Variants in ATG4C observed in about 807,000 individuals in gnomAD.
ATG4C encodes autophagy related 4C cysteine peptidase, also known as cysteine protease ATG4C.
A neutral mutation model predicts 57.6 loss-of-function variants in ATG4C; 56 were observed. That is an observed-to-expected ratio of 0.97 (90% confidence interval 0.78 to 1.21). ATG4C has a LOEUF of 1.21. Among genes scored for constraint, ATG4C ranks in the 50% most tolerant of loss-of-function variants. The pLI is 0.00. For missense variants in ATG4C, 595 were observed against 529.8 expected (o/e 1.12, Z -1.21); for synonymous variants, 157 against 174.1 (o/e 0.90, Z 0.78).
chr1:62,820,512 T>C (rs566305874), intron 5 of ATG4C, among the ~76,000 whole-genome samples: 1 of 152,234 alleles, frequency 6.6e-6, no homozygotes, highest in South Asian at 2.1e-4. Context: ...TTAAATAAAA[T>C]TACATTTCCA....
intron 6 of ATG4C, among the ~76,000 whole-genome samples, chr1:62,824,690 C>T (rs1257537329): frequency 8.0e-6 from 1 of 125,374 alleles, no homozygotes; most frequent in African/African-American, 3.1e-5. Flanking sequence ...TTTTTTGAGA[C>T]AGGGTTTTAC....
intron 6 of ATG4C, among the ~76,000 whole-genome samples, chr1:62,823,922 C>T (rs1211212557): frequency 2.6e-5 from 4 of 152,184 alleles, no homozygotes; most frequent in African/African-American, 4.8e-5. Context: ...AATTACTTTT[C>T]CTCTGTGGTC....
intron 10 of ATG4C, among the ~76,000 whole-genome samples, chr1:62,859,919 A>T (rs1666799874): frequency 6.6e-6 from 1 of 152,096 alleles, no homozygotes; most frequent in African/African-American, 2.4e-5. Flanking sequence ...TTTTAACTTT[A>T]TAAAGTTTTA....
chr1:62,802,959 G>C (rs1031168394), intron 1 of ATG4C, among the ~76,000 whole-genome samples: 1 of 152,146 alleles, frequency 6.6e-6, no homozygotes, highest in African/African-American at 2.4e-5. Flanking sequence ...AAAGGGTAAT[G>C]TTCTGTGCAG....
intron 4 of ATG4C, 85 bp downstream of exon 4, chr1:62,816,893 G>A: frequency 9.6e-7 from 1 of 1,039,544 alleles, no homozygotes. Flanking sequence ...CTTACAAACT[G>A]CATGAAATTC....
At chr1:62,824,516 T>G (rs1665583281) in intron 6 of ATG4C, among the ~76,000 whole-genome samples, 1 of 152,174 alleles carries the variant, frequency 6.6e-6, no homozygotes, top group Non-Finnish European at 1.5e-5. Context: ...GGGTGTAAAG[T>G]ATGTTTTGAA....
intron 1 of ATG4C, among the ~76,000 whole-genome samples, chr1:62,794,875 G>C (rs779624796): frequency 2.0e-5 from 3 of 152,090 alleles, no homozygotes; most frequent in Non-Finnish European, 2.9e-5. Context: ...AGAGATGATA[G>C]CCCATTGTGT....
Position 62,829,059 on chromosome 1 carries a change from T to G in ATG4C, c.816T>G (p.Ile272Met). The G allele has an allele frequency of 6.2e-7, 1 of 1,611,160 alleles. No individual in the cohort carries two copies. Among genetic ancestry groups the G allele is most frequent in the Non-Finnish European group, 8.5e-7 (1 of 1,178,320 alleles). The change falls in exon 7 of 11, where the codon ATT becomes ATG. Residue 272 changes from isoleucine to methionine, a missense_variant. Physicochemically the swap from Ile to Met is conservative, Grantham distance 10. Coordinates refer to ENST00000317868, the MANE Select transcript of ATG4C (RefSeq NM_032852.4). ...QDCTVYNSDVIDKQSASMTSD... is the reference protein window; with the variant it reads ...QDCTVYNSDVMDKQSASMTSD... ...TCTCAGTTTACAATTCTGATGTAAT[T>G]GATAAACAGAGTGCTTCCATGACTT...
chr1:62,821,945 T>C (rs989151496), intron 6 of ATG4C, among the ~76,000 whole-genome samples: 2 of 152,120 alleles, frequency 1.3e-5, no homozygotes, highest in African/African-American at 4.8e-5. Flanking sequence ...TGCAGTCACA[T>C]GTAGAATTTT....
At chr1:62,813,278 G>A (rs189408232) in intron 3 of ATG4C, among the ~76,000 whole-genome samples, 47 of 152,102 alleles carry the variant, frequency 3.1e-4, no homozygotes, top group African/African-American at 1.1e-3. Flanking sequence ...CAGAACAGAG[G>A]CCTCAGAAAT....
intron 1 of ATG4C, among the ~76,000 whole-genome samples, chr1:62,801,977 A>AG (rs1263819175): frequency 2.3e-4 from 32 of 141,974 alleles, no homozygotes; most frequent in African/African-American, 8.8e-4. Flanking sequence ...AAAAAAAAAA[A>AG]AAAAAAAAGA....
rs545550555 is a variant in ATG4C at position 62,850,907 on chromosome 1, C to CAT, written c.1209+9361_1209+9362insTA. ...ATATATATATATATATATATACATA[C>CAT]ACATACACACACATTCTGTTTAGTT... On this transcript the variant is annotated intron_variant, in intron 10 of 10. Transcript: ENST00000317868. 1.2e-3 allele frequency among the ~76,000 whole-genome samples: 154 copies of CAT among 123,632 alleles called. 2 individuals carry two copies. The highest frequency in any genetic ancestry group is 4.7e-3 in the African/African-American group (149 of 31,456). The allele number at this position is 123,632 out of a possible 152,430, so 81.1% of individuals were successfully genotyped here.
At chr1:62,790,030 T>C (rs1308931161) in intron 1 of ATG4C, among the ~76,000 whole-genome samples, 1 of 151,102 alleles carries the variant, frequency 6.6e-6, no homozygotes, top group Non-Finnish European at 1.5e-5. Flanking sequence ...TTCTCCTGCC[T>C]CAGCCTCCCG....
chr1:62,837,688 C>T (rs17123904), intron 9 of ATG4C, among the ~76,000 whole-genome samples: 1,727 of 152,196 alleles, frequency 0.011, 32 homozygotes, highest in African/African-American at 0.039. Context: ...ATTAGAATTA[C>T]GTGATGTGGG....
intron 9 of ATG4C, among the ~76,000 whole-genome samples, chr1:62,837,968 G>A (rs570889518): frequency 2.0e-5 from 3 of 152,216 alleles, no homozygotes; most frequent in African/African-American, 4.8e-5. Context: ...TTATCAGTAG[G>A]TACTTTTTAC....
In ATG4C at chr1:62,843,643, T is replaced by G. The variant is rs568852202; in HGVS notation, c.1209+2096T>G. ...TCGTAATACCCTATGAACGAATAAC[T>G]CCTTATGCTATATGATTTTAAAATA... On this transcript the variant is annotated intron_variant, in intron 10 of 10. Transcript: ENST00000317868. Among the ~76,000 whole-genome samples the G allele has an allele frequency of 1.5e-4, 23 of 152,290 alleles. No individual in the cohort carries two copies. In the South Asian group the frequency reaches 4.8e-3, roughly 32 times the overall value.
chr1:62,824,821 C>G (rs987308612), intron 6 of ATG4C, among the ~76,000 whole-genome samples: 2 of 152,078 alleles, frequency 1.3e-5, no homozygotes, highest in Non-Finnish European at 2.9e-5. Context: ...GCATGCATCA[C>G]CATCCCTGGC....
intron 6 of ATG4C, among the ~76,000 whole-genome samples, chr1:62,825,974 CT>C (rs1406121412): frequency 6.6e-6 from 1 of 152,020 alleles, no homozygotes; most frequent in African/African-American, 2.4e-5. Flanking sequence ...GTGGCACGAT[CT>C]CAGCTCACTG....
chr1:62,811,132 G>A (rs979242540), intron 3 of ATG4C, among the ~76,000 whole-genome samples: 1 of 152,188 alleles, frequency 6.6e-6, no homozygotes, highest in Non-Finnish European at 1.5e-5. Context: ...GTGCTTAGAA[G>A]GTAGCGGCTT....
Sources: allele counts gnomAD v4.1 joint callset (sites outside exome capture counted in the v4.1 genomes callset), GRCh38; gene constraint gnomAD v4.1.1; transcripts MANE v1.5; gene names NCBI Gene and HGNC (gene_info 2026-07-23, HGNC 2026-07-21).